RYR3: variants seen among roughly 807,000 people sequenced by gnomAD.
RYR3 encodes the protein brain ryanodine receptor-calcium release channel.
RYR3 carries 207 observed loss-of-function variants against 584.3 expected under a neutral mutation model. The ratio of observed to expected loss-of-function variants is 0.35; its 90% CI spans 0.32 to 0.40. The LOEUF (loss-of-function observed/expected upper bound fraction) is 0.40, where lower values mean the gene tolerates loss of function less well. Among genes scored for constraint, RYR3 ranks in the 10% least tolerant of loss-of-function variants. The pLI is 1.00. For synonymous variants in RYR3, 2,416 were observed against 2,248.5 expected (o/e 1.07, Z -2.11); for missense variants, 5,616 against 6,089.2 (o/e 0.92, Z 2.59).
chr15:33,805,589 T>C (rs1215977724), intron 69 of RYR3, among the ~76,000 whole-genome samples: 2 of 151,870 alleles, frequency 1.3e-5, no homozygotes, highest in Non-Finnish European at 2.9e-5. Context: ...ACCATTCTCC[T>C]GCCTCAGCCT....
chr15:33,326,556 A>G (rs77588718), intron 1 of RYR3, among the ~76,000 whole-genome samples: 2,305 of 152,280 alleles, frequency 0.015, 58 homozygotes, highest in African/African-American at 0.053. Flanking sequence ...GAACATTTGA[A>G]CTGGGGGTTT....
At chr15:33,382,156 A>G (rs2041233404) in intron 1 of RYR3, among the ~76,000 whole-genome samples, 2 of 151,046 alleles carry the variant, frequency 1.3e-5, no homozygotes, top group East Asian at 2.0e-4. Flanking sequence ...TGGGGCTGGA[A>G]GGAAAACTGG....
intron 19 of RYR3, among the ~76,000 whole-genome samples, chr15:33,614,990 C>T (rs1048779193): frequency 6.6e-6 from 1 of 151,432 alleles, no homozygotes; most frequent in East Asian, 1.9e-4. Context: ...CCTCTTTCCT[C>T]GTACCTACCA....
chr15:33,505,010 T>C (rs1340692152), intron 3 of RYR3, among the ~76,000 whole-genome samples: 1 of 152,238 alleles, frequency 6.6e-6, no homozygotes, highest in Non-Finnish European at 1.5e-5. Context: ...CACTCTGTAC[T>C]GTCATTGCAA....
At chr15:33,703,244 C>T (rs551323416) in intron 42 of RYR3, among the ~76,000 whole-genome samples, 6 of 152,328 alleles carry the variant, frequency 3.9e-5, no homozygotes, top group South Asian at 2.1e-4. Flanking sequence ...ACAGACAAAA[C>T]GCCCGTGTTT....
intron 1 of RYR3, among the ~76,000 whole-genome samples, chr15:33,454,063 G>A (rs2047347203): frequency 1.3e-5 from 2 of 152,238 alleles, no homozygotes; most frequent in South Asian, 4.1e-4. Flanking sequence ...TTCTGCGTGA[G>A]GCTGGAGGCT....
At chr15:33,438,246 C>T (rs764705234) in intron 1 of RYR3, among the ~76,000 whole-genome samples, 1 of 152,010 alleles carries the variant, frequency 6.6e-6, no homozygotes, top group Non-Finnish European at 1.5e-5. Flanking sequence ...GGTGGATCCC[C>T]AGAACTTATT....
At chr15:33,557,142 A>G (rs2057119059) in intron 10 of RYR3, among the ~76,000 whole-genome samples, 4 of 152,142 alleles carry the variant, frequency 2.6e-5, no homozygotes, top group East Asian at 1.9e-4. Context: ...ATTACTTACA[A>G]CTATGTGGCT....
chr15:33,646,315 T>G (rs2062099306), intron 28 of RYR3, 36 bp from the exon 29 acceptor site: 1 of 1,551,680 alleles, frequency 6.4e-7, no homozygotes, highest in Non-Finnish European at 8.8e-7. Context: ...GTCAGGCCCT[T>G]TGGTATGTCA....
chr15:33,775,528 G>C (rs1299888729), intron 64 of RYR3, among the ~76,000 whole-genome samples: 2 of 152,144 alleles, frequency 1.3e-5, no homozygotes, highest in Non-Finnish European at 2.9e-5. Flanking sequence ...AGCTGGCCCA[G>C]GTGAGAGGTT....
intron 17 of RYR3, 82 bp from the exon 18 acceptor site, chr15:33,603,041 C>T (rs1056421936): frequency 1.6e-5 from 23 of 1,444,910 alleles, no homozygotes; most frequent in African/African-American, 7.0e-5. Flanking sequence ...GTAAATGGGC[C>T]GTTGCCTCCT....
intron 32 of RYR3, among the ~76,000 whole-genome samples, chr15:33,657,197 G>A (rs1447185013): frequency 6.6e-6 from 1 of 152,132 alleles, no homozygotes; most frequent in Non-Finnish European, 1.5e-5. Context: ...ACCTATCCCA[G>A]GGCATCCTAA....
chr15:33,375,149 T>C, intron 1 of RYR3, among the ~76,000 whole-genome samples: 1 of 152,238 alleles, frequency 6.6e-6, no homozygotes, highest in East Asian at 1.9e-4. Flanking sequence ...AAAATTTCTC[T>C]GAATCTCTGT....
chr15:33,405,521 A>AT (rs1487391562), intron 1 of RYR3, among the ~76,000 whole-genome samples: 6 of 152,138 alleles, frequency 3.9e-5, no homozygotes, highest in South Asian at 2.1e-4. Context: ...ATGCTGATGT[A>AT]TTTTTTTAAC....
At chr15:33,468,299 C>T (rs1236361501) in intron 1 of RYR3, among the ~76,000 whole-genome samples, 20 of 152,166 alleles carry the variant, frequency 1.3e-4, no homozygotes, top group Admixed American at 1.2e-3. Flanking sequence ...TACCTAACCC[C>T]TCTGAGTTTT....
chr15:33,837,506 C>A, intron 88 of RYR3, 125 bp from the exon 89 acceptor site: 1 of 1,033,740 alleles, frequency 9.7e-7, no homozygotes, highest in Non-Finnish European at 1.4e-6. Flanking sequence ...CCTCCTACAT[C>A]ATCACGGTCA....
intron 19 of RYR3, among the ~76,000 whole-genome samples, chr15:33,620,171 C>T (rs547716984): frequency 3.3e-5 from 5 of 152,218 alleles, no homozygotes; most frequent in East Asian, 3.9e-4. Context: ...CAGTCCTTGG[C>T]GTCACCCTGA....
In RYR3 at chr15:33,659,814, T is replaced by C; in HGVS notation, c.4395+8T>C. On this transcript the variant is annotated splice_region_variant and intron_variant, in intron 33 of 103. Coordinates refer to ENST00000634891, the MANE Select transcript of RYR3 (RefSeq NM_001036.6). ...GAACTTGGAAAGCTGAAGGTATTTA[T>C]TTGTCCTCTCATCTAATGGCCATGA... 6.3e-7 allele frequency: 1 copy of C among 1,580,336 alleles called. No individual in the cohort carries two copies. Among genetic ancestry groups the C allele is most frequent in the South Asian group, 1.1e-5 (1 of 89,964 alleles).
At chr15:33,541,160 C>T (rs887030972) in intron 7 of RYR3, among the ~76,000 whole-genome samples, 1 of 152,110 alleles carries the variant, frequency 6.6e-6, no homozygotes, top group Non-Finnish European at 1.5e-5. Context: ...CTTGGATATG[C>T]ACCTTTGCTC....
Sources: gnomAD v4.1 joint callset for allele counts (sites outside exome capture counted in the v4.1 genomes callset) on GRCh38, gnomAD v4.1.1 for gene constraint, MANE v1.5 for transcripts, NCBI Gene and HGNC (gene_info 2026-07-23, HGNC 2026-07-21) for gene names.